Variants in OPCML observed in about 807,000 individuals in gnomAD.
The protein encoded by OPCML is opioid binding protein/cell adhesion molecule like.
A neutral mutation model predicts 37.8 loss-of-function variants in OPCML; 13 were observed. The ratio of observed to expected loss-of-function variants is 0.34; its 90% CI spans 0.22 to 0.55. The LOEUF is 0.55. Ranked by LOEUF, OPCML falls within the 20% of genes least tolerant of loss-of-function variation. OPCML has a pLI of 0.91. For missense variants in OPCML, 341 were observed against 435.6 expected, an observed-to-expected ratio of 0.78 and a Z score of 1.93; for synonymous variants, 176 against 168.8, an observed-to-expected ratio of 1.04 and a Z score of -0.33.
chr11:133,068,351 T>C (rs1948472238), intron 1 of OPCML, among the ~76,000 whole-genome samples: 1 of 152,216 alleles, frequency 6.6e-6, no homozygotes, highest in African/African-American at 2.4e-5. Flanking sequence ...CCTCATTCAC[T>C]AGAATTTCAT....
At chr11:132,539,547 TGAA>T (rs1462772921) in intron 3 of OPCML, among the ~76,000 whole-genome samples, 1 of 152,066 alleles carries the variant, frequency 6.6e-6, no homozygotes, top group Non-Finnish European at 1.5e-5. Flanking sequence ...ATGATGATGA[TGAA>T]GATCATGGTA....
chr11:132,589,783 T>A (rs2096481308), intron 3 of OPCML, among the ~76,000 whole-genome samples: 1 of 152,152 alleles, frequency 6.6e-6, no homozygotes, highest in Non-Finnish European at 1.5e-5. Flanking sequence ...TGGAGCAAGA[T>A]GAATTGGAAA....
intron 1 of OPCML, among the ~76,000 whole-genome samples, chr11:133,266,489 C>T (rs1272260243): frequency 1.3e-5 from 2 of 152,196 alleles, no homozygotes; most frequent in Admixed American, 6.5e-5. Context: ...TTGCCCATCA[C>T]AATCTTCATC....
intron 3 of OPCML, 131 bp from the exon 4 acceptor site, chr11:132,529,317 C>T: frequency 8.6e-7 from 1 of 1,156,870 alleles, no homozygotes; most frequent in Non-Finnish European, 1.2e-6. Context: ...TTTCAAGTTG[C>T]TTGATTTGCC....
At chr11:133,063,336 A>T (rs1292265175) in intron 1 of OPCML, among the ~76,000 whole-genome samples, 1 of 152,060 alleles carries the variant, frequency 6.6e-6, no homozygotes, top group African/African-American at 2.4e-5. Flanking sequence ...CCAACAGACT[A>T]GACAGCCTCC....
intron 2 of OPCML, among the ~76,000 whole-genome samples, chr11:132,840,980 G>A (rs1941262048): frequency 6.6e-6 from 1 of 152,154 alleles, no homozygotes. Context: ...CTCAGGGGCT[G>A]TGTGATCTTA....
intron 1 of OPCML, among the ~76,000 whole-genome samples, chr11:133,395,605 T>C (rs1428024874): frequency 6.6e-6 from 1 of 152,234 alleles, no homozygotes; most frequent in Non-Finnish European, 1.5e-5. Flanking sequence ...TGCATATGGA[T>C]ATCCAGTTTT....
chr11:133,090,062 C>A (rs1448999337), intron 1 of OPCML, among the ~76,000 whole-genome samples: 1 of 152,188 alleles, frequency 6.6e-6, no homozygotes, highest in Non-Finnish European at 1.5e-5. Flanking sequence ...TCTGAATCCT[C>A]TTCTCTACTA....
chr11:133,234,596 G>A (rs13377228), intron 1 of OPCML, among the ~76,000 whole-genome samples: 2 of 152,234 alleles, frequency 1.3e-5, no homozygotes, highest in African/African-American at 4.8e-5. Context: ...TACTCCTCTT[G>A]TATTGGCCTC....
intron 1 of OPCML, among the ~76,000 whole-genome samples, chr11:133,242,407 G>A (rs1363655723): frequency 6.6e-6 from 1 of 152,160 alleles, no homozygotes; most frequent in Non-Finnish European, 1.5e-5. Context: ...AGACGGTGTG[G>A]CTTAAATGGC....
chr11:132,511,131 G>A (rs1291207228), intron 4 of OPCML, among the ~76,000 whole-genome samples: 2 of 151,984 alleles, frequency 1.3e-5, no homozygotes, highest in Non-Finnish European at 1.5e-5. Flanking sequence ...CAGTAGGCAA[G>A]GTCAATATAA....
chr11:132,563,076 C>T (rs2096414138), intron 3 of OPCML, among the ~76,000 whole-genome samples: 1 of 152,128 alleles, frequency 6.6e-6, no homozygotes, highest in South Asian at 2.1e-4. Context: ...ACACAGTCCA[C>T]CTTTTGTTGG....
intron 1 of OPCML, among the ~76,000 whole-genome samples, chr11:133,272,978 C>T (rs1941894147): frequency 6.6e-6 from 1 of 152,170 alleles, no homozygotes; most frequent in Non-Finnish European, 1.5e-5. Context: ...AATAAGATGA[C>T]AGTCTAGAAC....
At chr11:132,485,740 T>G (rs141425943) in intron 4 of OPCML, among the ~76,000 whole-genome samples, 144 of 152,362 alleles carry the variant, frequency 9.5e-4, no homozygotes, top group African/African-American at 3.2e-3. Context: ...CGTATTTTCT[T>G]TTTATTGCTG....
chr11:133,160,832 A>G (rs905154979), intron 1 of OPCML, among the ~76,000 whole-genome samples: 3 of 152,140 alleles, frequency 2.0e-5, no homozygotes, highest in Non-Finnish European at 4.4e-5. Flanking sequence ...CATCCTGGAG[A>G]GGCTTGGAGA....
chr11:133,129,046 G>A (rs557079637), intron 1 of OPCML, among the ~76,000 whole-genome samples: 1 of 152,300 alleles, frequency 6.6e-6, no homozygotes, highest in African/African-American at 2.4e-5. Context: ...CCACAGTTGT[G>A]ACAACTCATT....
intron 1 of OPCML, among the ~76,000 whole-genome samples, chr11:132,977,706 G>C (rs567643793): frequency 6.6e-6 from 1 of 152,140 alleles, no homozygotes; most frequent in African/African-American, 2.4e-5. Flanking sequence ...AGGAGTCTTC[G>C]GTGACCCACC....
intron 1 of OPCML, among the ~76,000 whole-genome samples, chr11:133,531,200 A>T (rs1948598801): frequency 6.6e-6 from 1 of 152,238 alleles, no homozygotes; most frequent in African/African-American, 2.4e-5. Context: ...TGTTTGAAAG[A>T]TGCCTGCAGG....
At chr11:133,141,083 A>AAGAAGAAGAAGG in intron 1 of OPCML, among the ~76,000 whole-genome samples, 1 of 128,484 alleles carries the variant, frequency 7.8e-6, no homozygotes, top group African/African-American at 2.7e-5. Flanking sequence ...GAAGAAGAAG[A>AAGAAGAAGAAGG]AGAAGAAGAA....
Sources: gnomAD v4.1 joint callset for allele counts (sites outside exome capture counted in the v4.1 genomes callset) on GRCh38, gnomAD v4.1.1 for gene constraint, MANE v1.5 for transcripts, NCBI Gene and HGNC (gene_info 2026-07-23, HGNC 2026-07-21) for gene names.